Variants in MAFF observed in about 807,000 individuals in gnomAD.
The protein encoded by MAFF is transcription factor MafF.
A neutral mutation model predicts 2.7 loss-of-function variants in MAFF; 4 were observed. The observed-to-expected ratio is 1.48, with a 90% CI of 0.73 to 3.39. The LOEUF is 3.39. Among genes scored for constraint, MAFF ranks in the 30% most tolerant of loss-of-function variants. The pLI, the probability that MAFF is intolerant of heterozygous loss-of-function variation, is 0.01. For missense variants in MAFF, 190 were observed against 246.6 expected (o/e 0.77, Z 1.54); for synonymous variants, 113 against 119.4 (o/e 0.95, Z 0.35).
intron 1 of MAFF, among the ~76,000 whole-genome samples, chr22:38,206,276 GTC>G (rs897072107): frequency 6.6e-6 from 1 of 151,732 alleles, no homozygotes; most frequent in African/African-American, 2.4e-5. Flanking sequence ...GGTTAGTGAT[GTC>G]TCTGTTGCTT....
chr22:38,206,632 G>A (rs960922676), intron 1 of MAFF, among the ~76,000 whole-genome samples: 4 of 151,708 alleles, frequency 2.6e-5, no homozygotes, highest in African/African-American at 7.3e-5. Context: ...GATTACAGGC[G>A]TGAGCCACCA....
Position 38,214,401 on chromosome 22 carries a change from A to C in MAFF, c.37-19A>C. 4.5e-6 allele frequency: 7 copies of C among 1,567,344 alleles called. No homozygotes were observed. The highest frequency in any genetic ancestry group is 6.1e-6 in the Non-Finnish European group (7 of 1,155,014). On this transcript the variant is annotated intron_variant, in intron 2 of 2. Transcript: ENST00000338483. The surrounding 1 kb of genome is among the most constrained non-coding windows in gnomAD (Gnocchi z 6.3). ...GCCCGTCCCCAGTCCCCTGGACCTCAGTTTCCTCATGCCCGCAGATCAAGC... is the reference window on the plus strand; with the variant it reads ...GCCCGTCCCCAGTCCCCTGGACCTCCGTTTCCTCATGCCCGCAGATCAAGC...
At chr22:38,210,049 C>T (rs2091086284) in intron 1 of MAFF, among the ~76,000 whole-genome samples, 1 of 152,102 alleles carries the variant, frequency 6.6e-6, no homozygotes, top group South Asian at 2.1e-4. Context: ...AAACTGAGGC[C>T]AGAGCCCAGG....
chr22:38,210,319 G>A (rs1177834014), intron 1 of MAFF, among the ~76,000 whole-genome samples: 1 of 152,174 alleles, frequency 6.6e-6, no homozygotes, highest in South Asian at 2.1e-4. Flanking sequence ...CCTGTGAGCT[G>A]CCAGACCCCC....
At chr22:38,210,935 C>T (rs560114749) in intron 1 of MAFF, among the ~76,000 whole-genome samples, 3 of 152,134 alleles carry the variant, frequency 2.0e-5, no homozygotes, top group African/African-American at 4.8e-5. Context: ...TGGCATGCAC[C>T]TATAGTTCCA....
Position 38,214,685 on chromosome 22 carries a change from G to A in MAFF, c.302G>A (p.Arg101His). ...CTGGCGCGCGAGAACGCCGCCATGCGCCTGGAGCTCGACGCGCTGCGCGGC... is the reference window on the plus strand; with the variant it reads ...CTGGCGCGCGAGAACGCCGCCATGCACCTGGAGCTCGACGCGCTGCGCGGC... Reference protein sequence around the residue: ...DKLARENAAMRLELDALRGKC... With the variant: ...DKLARENAAMHLELDALRGKC... Residue 101 changes from arginine (R) to histidine (H), a missense_variant, in exon 3 of 3, where the codon CGC becomes CAC. This residue lies in a region of MAFF where 87 missense variants were observed against 143.6 expected (regional missense o/e 0.61). Coordinates refer to ENST00000338483, the MANE Select transcript of MAFF (RefSeq NM_012323.4). The surrounding 1 kb of genome is among the most constrained non-coding windows in gnomAD (Gnocchi z 6.3). 6.5e-7 allele frequency: 1 copy of A among 1,546,716 alleles called. No homozygotes were observed. Among genetic ancestry groups the A allele is most frequent in the East Asian group, 2.4e-5 (1 of 40,916 alleles).
intron 1 of MAFF, among the ~76,000 whole-genome samples, chr22:38,212,601 G>T (rs1020615622): frequency 6.6e-6 from 1 of 152,222 alleles, no homozygotes; most frequent in African/African-American, 2.4e-5. Context: ...TGTCAGGCCT[G>T]TGGGAGGGAG....
intron 1 of MAFF, among the ~76,000 whole-genome samples, chr22:38,208,588 ACT>A (rs1233004658): frequency 1.3e-5 from 2 of 151,882 alleles, no homozygotes; most frequent in African/African-American, 2.4e-5. Context: ...GGCGTCAGAG[ACT>A]CTGACCATCC....
intron 1 of MAFF, 116 bp from the exon 2 acceptor site, chr22:38,213,707 G>A: frequency 3.9e-6 from 3 of 775,336 alleles, no homozygotes; most frequent in Non-Finnish European, 6.9e-6. Context: ...AAGGTGGCAG[G>A]TATGAATCAG....
At chr22:38,209,154 C>A (rs2091077223) in intron 1 of MAFF, among the ~76,000 whole-genome samples, 1 of 152,024 alleles carries the variant, frequency 6.6e-6, no homozygotes, top group Non-Finnish European at 1.5e-5. Context: ...CATGCTTCAC[C>A]TCCCGGGTTC....
intron 1 of MAFF, chr22:38,213,571 T>C (rs1192424550): frequency 2.0e-5 from 12 of 593,972 alleles, no homozygotes; most frequent in Non-Finnish European, 3.5e-5. Context: ...GGAGGTGACA[T>C]TGGGCAAAGA....
chr22:38,205,746 A>G (rs896406628), intron 1 of MAFF: 1 of 152,244 alleles, frequency 6.6e-6, no homozygotes, highest in African/African-American at 2.4e-5. Context: ...GCTACCAAAC[A>G]GTGGCTTGGT....
chr22:38,204,868 GCA>G (rs1329052243), intron 1 of MAFF, among the ~76,000 whole-genome samples: 1 of 152,174 alleles, frequency 6.6e-6, no homozygotes, highest in African/African-American at 2.4e-5. Context: ...AATGGGCCAA[GCA>G]CGGACAGGCT....
In MAFF at chr22:38,215,504, T is replaced by A. The variant is rs956069080; in HGVS notation, c.*626T>A. The A allele has an allele frequency of 6.0e-6, 1 of 167,156 alleles. No individual in the cohort carries two copies. Among genetic ancestry groups the A allele is most frequent in the African/African-American group, 2.4e-5 (1 of 41,430 alleles). The allele number at this position is 167,156 out of a possible 1,614,324, so 10.4% of individuals were successfully genotyped here. ...TGCTGCCCTGAGTCCAGCCATGGTT[T>A]TCAGGGGGACAGTGGACAGGGACTC... On this transcript the variant is annotated 3_prime_UTR_variant, in exon 3 of 3. Coordinates refer to ENST00000338483, the MANE Select transcript of MAFF (RefSeq NM_012323.4).
chr22:38,213,461 G>C lies in MAFF; in HGVS notation c.-31-362G>C, dbSNP rs376805591. 1.1e-5 allele frequency: 4 copies of C among 349,610 alleles called. No individual in the cohort carries two copies. In the East Asian group the frequency reaches 3.0e-4, roughly 26 times the overall value. The allele number at this position is 349,610 out of a possible 1,614,324, so 21.7% of individuals were successfully genotyped here. A position where few individuals can be genotyped will look rare whatever the true frequency, so the allele number is the denominator to read the frequency against. ...AAATCATAGATGAGGAACCAAGCATGAGAAATGCAGAAGAGGTGACTGTTA... is the reference window on the plus strand; with the variant it reads ...AAATCATAGATGAGGAACCAAGCATCAGAAATGCAGAAGAGGTGACTGTTA... On this transcript the variant is annotated intron_variant, in intron 1 of 2. Transcript: ENST00000338483.
intron 1 of MAFF, among the ~76,000 whole-genome samples, chr22:38,211,068 A>G (rs1478032992): frequency 6.6e-6 from 1 of 151,914 alleles, no homozygotes; most frequent in Admixed American, 6.6e-5. Flanking sequence ...TATAAAAAAC[A>G]AAAACAAAAA....
Position 38,213,895 on chromosome 22 carries a change from G to A in MAFF, c.36+6G>A. 1 of 1,614,192 alleles carries A rather than the reference G, an allele frequency of 6.2e-7. No homozygotes were observed. The highest frequency in any genetic ancestry group is 2.2e-5 in the East Asian group (1 of 44,888). On this transcript the variant is annotated splice_donor_region_variant and intron_variant, in intron 2 of 2. Coordinates refer to ENST00000338483, the MANE Select transcript of MAFF (RefSeq NM_012323.4). ...TATCCAGCAAAGCTCTAAAGGTGAG[G>A]AGGCAGCCTCTGTCAACCCAGTGAA...
In MAFF at chr22:38,214,632, G is replaced by A; in HGVS notation, c.249G>A (p.Lys83=). The A allele has an allele frequency of 1.9e-6, 3 of 1,567,342 alleles. No individual in the cohort carries two copies. Among genetic ancestry groups the A allele is most frequent in the Non-Finnish European group, 2.6e-6 (3 of 1,156,848 alleles). ...AGAAGGAGGAGCTGCAGAAGCAGAAGTCGGAGCTGGAGCGCGAGGTGGACA... is the reference window on the plus strand; with the variant it reads ...AGAAGGAGGAGCTGCAGAAGCAGAAATCGGAGCTGGAGCGCGAGGTGGACA... ...VCQKEELQKQ[K]SELEREVDKL... The change falls in exon 3 of 3, where the codon AAG becomes AAA. Residue 83 remains lysine, a synonymous_variant. Transcript: ENST00000338483. The surrounding 1 kb of genome is among the most constrained non-coding windows in gnomAD (Gnocchi z 6.3).
At position 38,215,039 on chromosome 22, in the gene MAFF, C is replaced by T. The variant is rs2091136522; in HGVS notation, c.*161C>T. Reference sequence around the variant, plus strand: ...GGCCCTGTCTTCCTCTTGCAGCCCCCCAAACTGGGACCGAATGACCCTGGG... The same window carrying T: ...GGCCCTGTCTTCCTCTTGCAGCCCCTCAAACTGGGACCGAATGACCCTGGG... On this transcript the variant is annotated 3_prime_UTR_variant, in exon 3 of 3. Coordinates refer to ENST00000338483, the MANE Select transcript of MAFF (RefSeq NM_012323.4). The T allele has an allele frequency of 1.6e-6, 1 of 626,450 alleles. No individual in the cohort carries two copies. The highest frequency in any genetic ancestry group is 2.9e-6 in the Non-Finnish European group (1 of 349,406). The allele number at this position is 626,450 out of a possible 1,614,324, so 38.8% of individuals were successfully genotyped here. A position where few individuals can be genotyped will look rare whatever the true frequency, so the allele number is the denominator to read the frequency against.
Sources: allele counts gnomAD v4.1 joint callset (sites outside exome capture counted in the v4.1 genomes callset), GRCh38; gene constraint gnomAD v4.1.1; regional missense constraint gnomAD v4.1.1; non-coding constraint Gnocchi (gnomAD v3.1); transcripts MANE v1.5; gene names NCBI Gene and HGNC (gene_info 2026-07-23, HGNC 2026-07-21).